The following BMP5 variants were observed in gnomAD, a reference collection of about 807,000 sequenced individuals.
BMP5 encodes the protein bone morphogenetic protein 5.
BMP5 carries 23 observed loss-of-function variants against 46.6 expected under a neutral mutation model. The ratio of observed to expected loss-of-function variants is 0.49; its 90% CI spans 0.35 to 0.70. The LOEUF is 0.70. Among genes scored for constraint, BMP5 ranks in the 30% least tolerant of loss-of-function variants. The pLI is 0.00. For synonymous variants in BMP5, 204 were observed against 191.9 expected (o/e 1.06, Z -0.52); for missense variants, 545 against 565.6 (o/e 0.96, Z 0.37).
Position 55,760,507 on chromosome 6 carries a change from C to T in BMP5, c.1054G>A (p.Ala352Thr), listed in dbSNP as rs1377696774. 2.5e-6 allele frequency: 4 copies of T among 1,612,994 alleles called. No individual in the cohort carries two copies. In the African/African-American group the frequency reaches 4.0e-5, roughly 16 times the overall value. The change falls in exon 5 of 7, where the codon GCC becomes ACC. Residue 352 changes from alanine (A) to threonine (T), a missense_variant. Coordinates refer to ENST00000370830, the MANE Select transcript of BMP5 (RefSeq NM_021073.4). ...GDYNTSEQKQ[A>T]CKKHELYVSF... ...ACATAGAGTTCGTGCTTCTTACAGGCTTGTTTTTGCTCACTTGTGTTATAA... is the reference window on the plus strand; with the variant it reads ...ACATAGAGTTCGTGCTTCTTACAGGTTTGTTTTTGCTCACTTGTGTTATAA...
chr6:55,860,579 A>T (rs1777507464), intron 1 of BMP5, among the ~76,000 whole-genome samples: 1 of 152,196 alleles, frequency 6.6e-6, no homozygotes, highest in Admixed American at 6.5e-5. Flanking sequence ...ACGAGTGGCT[A>T]AAGGTAAAGA....
At chr6:55,772,690 G>T in intron 4 of BMP5, 1 of 908,164 alleles carries the variant, frequency 1.1e-6, no homozygotes, top group Non-Finnish European at 1.3e-6. Flanking sequence ...AGGCACTAGT[G>T]TCATGCTTTA....
chr6:55,778,652 C>T (rs1054704330), intron 3 of BMP5, among the ~76,000 whole-genome samples: 1 of 151,782 alleles, frequency 6.6e-6, no homozygotes, highest in Admixed American at 6.6e-5. Context: ...AATTATTGTA[C>T]CAGAATCATA....
intron 1 of BMP5, among the ~76,000 whole-genome samples, chr6:55,872,349 C>G (rs1188049436): frequency 6.6e-6 from 1 of 151,608 alleles, no homozygotes; most frequent in African/African-American, 2.4e-5. Context: ...CTCAGAAGTT[C>G]AAGCATGATA....
chr6:55,766,916 A>T (rs1002802688), intron 4 of BMP5, among the ~76,000 whole-genome samples: 26 of 152,054 alleles, frequency 1.7e-4, no homozygotes, highest in Non-Finnish European at 2.8e-4. Flanking sequence ...TTATTCTCAG[A>T]TAAGTCCCTC....
Position 55,874,523 on chromosome 6 carries a change from C to T in BMP5, c.343G>A (p.Gly115Arg), listed in dbSNP as rs763823044. 1 of 1,613,252 alleles carries T rather than the reference C, an allele frequency of 6.2e-7. No homozygotes were observed. Among genetic ancestry groups the T allele is most frequent in the Non-Finnish European group, 8.5e-7 (1 of 1,179,658 alleles). ...LAEETRGARK[G>R]YPASPNGYPR... ...TACCCATTGGGAGAGGCTGGGTATC[C>T]CTTTCTTGCCCCTCTGGTCTCTTCT... is the stretch of plus-strand genomic sequence containing the variant. Residue 115 changes from glycine (G) to arginine (R), a missense_variant, in exon 1 of 7, where the codon GGA (glycine) becomes AGA (arginine). Transcript: ENST00000370830.
intron 1 of BMP5, among the ~76,000 whole-genome samples, chr6:55,872,666 T>C (rs1777812634): frequency 6.6e-6 from 1 of 151,806 alleles, no homozygotes. Flanking sequence ...GCAATTCTAA[T>C]AAAATATATT....
At chr6:55,766,383 T>C (rs1284301830) in intron 4 of BMP5, among the ~76,000 whole-genome samples, 1 of 152,028 alleles carries the variant, frequency 6.6e-6, no homozygotes, top group Admixed American at 6.6e-5. Flanking sequence ...AGCCTCATCC[T>C]ACATCTAACA....
chr6:55,800,660 C>G (rs1775827499), intron 2 of BMP5, among the ~76,000 whole-genome samples: 1 of 151,954 alleles, frequency 6.6e-6, no homozygotes, highest in Non-Finnish European at 1.5e-5. Context: ...AAAAATTGAC[C>G]AAGAATGTTT....
At chr6:55,813,950 T>C (rs1271553264) in intron 2 of BMP5, among the ~76,000 whole-genome samples, 2 of 152,186 alleles carry the variant, frequency 1.3e-5, no homozygotes, top group Admixed American at 6.5e-5. Context: ...ATATCTGCAA[T>C]GTTTCTGTAA....
intron 1 of BMP5, among the ~76,000 whole-genome samples, chr6:55,832,429 G>C (rs181217436): frequency 6.6e-6 from 1 of 152,242 alleles, no homozygotes; most frequent in African/African-American, 2.4e-5. Context: ...TTTAAAAACT[G>C]TTAGGCAAAT....
chr6:55,813,734 C>G (rs1243432048), intron 2 of BMP5, among the ~76,000 whole-genome samples: 1 of 146,960 alleles, frequency 6.8e-6, no homozygotes, highest in African/African-American at 2.6e-5. Context: ...TTGCAGTGAG[C>G]AGAGATTGCG....
chr6:55,798,905 C>A (rs1056805526), intron 2 of BMP5, among the ~76,000 whole-genome samples: 1 of 152,070 alleles, frequency 6.6e-6, no homozygotes, highest in Non-Finnish European at 1.5e-5. Context: ...ACCAGAAGGA[C>A]ACTACACTAA....
chr6:55,827,360 T>A (rs569911371), intron 1 of BMP5, among the ~76,000 whole-genome samples: 1 of 151,820 alleles, frequency 6.6e-6, no homozygotes, highest in African/African-American at 2.4e-5. Context: ...TCATTGTGGT[T>A]TTTTTAAAAA....
intron 1 of BMP5, among the ~76,000 whole-genome samples, chr6:55,826,460 G>C (rs1039686777): frequency 6.6e-6 from 1 of 151,568 alleles, no homozygotes; most frequent in East Asian, 1.9e-4. Flanking sequence ...TGAAAATTAA[G>C]ACATTTAATT....
At chr6:55,797,933 T>A (rs542913286) in intron 2 of BMP5, among the ~76,000 whole-genome samples, 133 of 152,198 alleles carry the variant, frequency 8.7e-4, no homozygotes, top group African/African-American at 3.2e-3. Context: ...AAGGCTGTCA[T>A]AACAAAATAC....
chr6:55,788,224 C>T lies in BMP5; in HGVS notation c.832+6055G>A, dbSNP rs138138032. Among the ~76,000 whole-genome samples, 507 of 151,702 alleles carry T rather than the reference C, an allele frequency of 3.3e-3. 2 individuals carry two copies. Among genetic ancestry groups the T allele is most frequent in the African/African-American group, 0.01 (434 of 41,480 alleles). On this transcript the variant is annotated intron_variant, in intron 3 of 6. Transcript: ENST00000370830. ...CCCCATATATAATCCTATTGCATTA[C>T]GAAAAGCTTGTTTCCCTTATTTTCA...
chr6:55,874,960 G>T lies in BMP5; in HGVS notation c.-95C>A. 1 of 1,463,618 alleles carries T rather than the reference G, an allele frequency of 6.8e-7. No homozygotes were observed. Among genetic ancestry groups the T allele is most frequent in the Non-Finnish European group, 9.3e-7 (1 of 1,078,864 alleles). 90.7% of individuals were successfully genotyped at this position (1,463,618 alleles called of 1,614,324 possible). ...TTCTAGGAGGTACAGTTTCCCAGTA[G>T]CTGAAAAAACAAATTTACCTATTTT... On this transcript the variant is annotated 5_prime_UTR_variant, in exon 1 of 7. Transcript: ENST00000370830.
At chr6:55,815,590 A>C (rs1242617281) in intron 2 of BMP5, among the ~76,000 whole-genome samples, 1 of 152,166 alleles carries the variant, frequency 6.6e-6, no homozygotes, top group Admixed American at 6.5e-5. Flanking sequence ...AATTATACCA[A>C]AGAATACTGA....
Sources: gnomAD v4.1 joint callset for allele counts (sites outside exome capture counted in the v4.1 genomes callset) on GRCh38, gnomAD v4.1.1 for gene constraint, MANE v1.5 for transcripts, NCBI Gene and HGNC (gene_info 2026-07-23, HGNC 2026-07-21) for gene names.